The following CSGALNACT2 variants were observed in gnomAD, a reference collection of about 807,000 sequenced individuals.
CSGALNACT2 encodes chondroitin sulfate N-acetylgalactosaminyltransferase 2.
In CSGALNACT2, 35 loss-of-function variants were observed where a neutral mutation model predicts 55.3. The observed-to-expected ratio is 0.63, with a 90% confidence interval of 0.48 to 0.84. The LOEUF (loss-of-function observed/expected upper bound fraction) is 0.84, where lower values mean the gene tolerates loss of function less well. CSGALNACT2 is among the 40% of genes least tolerant of loss of function. CSGALNACT2 has a pLI of 0.00. For synonymous variants in CSGALNACT2, 196 were observed against 224.9 expected, an observed-to-expected ratio of 0.87 and a Z score of 1.15; for missense variants, 544 against 657.5, an observed-to-expected ratio of 0.83 and a Z score of 1.89.
intron 1 of CSGALNACT2, among the ~76,000 whole-genome samples, chr10:43,146,960 C>A: frequency 8.0e-6 from 1 of 124,686 alleles, no homozygotes; most frequent in African/African-American, 3.0e-5. Flanking sequence ...CAATGTTGAG[C>A]ATCTTTTTTT....
intron 1 of CSGALNACT2, among the ~76,000 whole-genome samples, chr10:43,148,058 A>G (rs1438520642): frequency 1.3e-5 from 2 of 152,106 alleles, no homozygotes; most frequent in Admixed American, 6.5e-5. Flanking sequence ...CCATTTTGAG[A>G]TAATTTTTGA....
intron 1 of CSGALNACT2, among the ~76,000 whole-genome samples, chr10:43,153,830 G>A (rs1164692444): frequency 1.3e-5 from 2 of 152,276 alleles, no homozygotes; most frequent in South Asian, 4.1e-4. Flanking sequence ...TTTTATAAAT[G>A]TATAAATGGT....
chr10:43,144,292 C>T (rs2133090387), intron 1 of CSGALNACT2, among the ~76,000 whole-genome samples: 1 of 152,254 alleles, frequency 6.6e-6, no homozygotes, highest in South Asian at 2.1e-4. Context: ...CATTTGTGTT[C>T]ATAGTACCAA....
Position 43,183,717 on chromosome 10 carries a change from A to T in CSGALNACT2, c.*175A>T, listed in dbSNP as rs1037391839. ...GAGAAGAAAAAACAAATGTTTCAAC[A>T]CAAAATCTCTGTTTTGTGAGAATAC... On this transcript the variant is annotated 3_prime_UTR_variant, in exon 8 of 8. Transcript: ENST00000374466. 2 of 606,150 alleles carry T rather than the reference A, an allele frequency of 3.3e-6. No individual in the cohort carries two copies. Among genetic ancestry groups the T allele is most frequent in the South Asian group, 4.1e-5 (2 of 49,132 alleles). 37.5% of individuals were successfully genotyped at this position (606,150 alleles called of 1,614,324 possible).
At chr10:43,167,123 T>C (rs1174369066) in intron 6 of CSGALNACT2, 25 bp downstream of exon 6, 1 of 1,401,898 alleles carries the variant, frequency 7.1e-7, no homozygotes. Flanking sequence ...TTTTCAGTTA[T>C]GAAAGACTCT....
In CSGALNACT2 at chr10:43,164,003, C is replaced by G. The variant is rs1479896258; in HGVS notation, c.1118C>G (p.Ser373Ter). ...TTCTGTGATGTTGATATCTATTTCT[C>G]AGCCGAATTCCTTAACAGCTGCCGG... is the stretch of plus-strand genomic sequence containing the variant. The part of the protein sequence containing the change: ...MFFCDVDIYF[S>*]AEFLNSCRLN... Residue 373 changes from serine (S) to a stop codon, truncating the protein, a stop_gained, in exon 5 of 8, where the codon TCA (serine) becomes TGA (stop). Coordinates refer to ENST00000374466, the MANE Select transcript of CSGALNACT2 (RefSeq NM_018590.5). LOFTEE classifies it high-confidence loss of function. The G allele has an allele frequency of 6.2e-7, 1 of 1,613,842 alleles. No individual in the cohort carries two copies. Among genetic ancestry groups the G allele is most frequent in the African/African-American group, 1.3e-5 (1 of 74,912 alleles).
chr10:43,162,298 T>C, intron 4 of CSGALNACT2: 1 of 648,894 alleles, frequency 1.5e-6, no homozygotes, highest in East Asian at 5.3e-5. Flanking sequence ...TTCTCCCAGC[T>C]CCAGTTGAGA....
intron 5 of CSGALNACT2, among the ~76,000 whole-genome samples, chr10:43,164,454 C>G (rs1199499427): frequency 6.6e-6 from 1 of 152,232 alleles, no homozygotes; most frequent in Non-Finnish European, 1.5e-5. Flanking sequence ...TGTGCACACA[C>G]ACTCACATGG....
intron 3 of CSGALNACT2, 138 bp from the exon 4 acceptor site, chr10:43,160,356 T>G: frequency 1.7e-6 from 1 of 581,428 alleles, no homozygotes; most frequent in Non-Finnish European, 3.0e-6. Flanking sequence ...CTTCCATAAT[T>G]CATCAGTATT....
At chr10:43,152,714 C>T (rs1564511610) in intron 1 of CSGALNACT2, among the ~76,000 whole-genome samples, 1 of 152,160 alleles carries the variant, frequency 6.6e-6, no homozygotes, top group Admixed American at 6.5e-5. Context: ...TTCTGTTACC[C>T]AGTTTCACTT....
rs772009848 is a variant in CSGALNACT2, at chr10:43,163,900, TTGA to T, written c.1016_1018del (p.Leu339_Asn340delinsTyr). The T allele has an allele frequency of 6.2e-7, 1 of 1,614,152 alleles. No homozygotes were observed. The highest frequency in any genetic ancestry group is 8.5e-7 in the Non-Finnish European group (1 of 1,180,006). Reference sequence around the variant, plus strand: ...TTTTCACAATTACACCTTGGTCTCATTGAATGAAGAATTTAATCGTGGACGAGG... The same window carrying T: ...TTTTCACAATTACACCTTGGTCTCATATGAAGAATTTAATCGTGGACGAGG... On this transcript the variant is annotated inframe_deletion, in exon 5 of 8. Coordinates refer to ENST00000374466, the MANE Select transcript of CSGALNACT2 (RefSeq NM_018590.5).
Position 43,183,693 on chromosome 10 carries a change from A to C in CSGALNACT2, c.*151A>C, listed in dbSNP as rs1839637603. 1 of 640,134 alleles carries C rather than the reference A, an allele frequency of 1.6e-6. No individual in the cohort carries two copies. Among genetic ancestry groups the C allele is most frequent in the Admixed American group, 2.9e-5 (1 of 33,946 alleles). 39.7% of individuals were successfully genotyped at this position (640,134 alleles called of 1,614,324 possible). On this transcript the variant is annotated 3_prime_UTR_variant, in exon 8 of 8. Coordinates refer to ENST00000374466, the MANE Select transcript of CSGALNACT2 (RefSeq NM_018590.5). ...TACTTTAGCAATTCAACTTGATGTG[A>C]GAAGAAAAAACAAATGTTTCAACAC...
chr10:43,177,542 T>A (rs1839504370), intron 7 of CSGALNACT2, among the ~76,000 whole-genome samples: 1 of 152,254 alleles, frequency 6.6e-6, no homozygotes, highest in Admixed American at 6.5e-5. Context: ...ATGACTGGCT[T>A]CTTTCACTCA....
At chr10:43,149,073 T>TGTTTG (rs1311060284) in intron 1 of CSGALNACT2, among the ~76,000 whole-genome samples, 20 of 152,032 alleles carry the variant, frequency 1.3e-4, no homozygotes, top group African/African-American at 3.1e-4. Context: ...TATTGAATGG[T>TGTTTG]GTTTGGTTTG....
intron 6 of CSGALNACT2, among the ~76,000 whole-genome samples, chr10:43,168,104 G>T (rs915443291): frequency 2.3e-4 from 35 of 152,118 alleles, no homozygotes; most frequent in African/African-American, 7.0e-4. Context: ...AAAGATTTGA[G>T]AATTTATAAA....
At chr10:43,151,196 T>C (rs1270222671) in intron 1 of CSGALNACT2, among the ~76,000 whole-genome samples, 6 of 152,236 alleles carry the variant, frequency 3.9e-5, no homozygotes, top group Non-Finnish European at 2.9e-5. Flanking sequence ...TTGTTGATTT[T>C]TTTCATTATG....
intron 7 of CSGALNACT2, among the ~76,000 whole-genome samples, chr10:43,180,708 G>A (rs1210239020): frequency 1.3e-5 from 2 of 152,198 alleles, no homozygotes; most frequent in Non-Finnish European, 2.9e-5. Flanking sequence ...AAAAGGAACT[G>A]CAATAAATAG....
intron 1 of CSGALNACT2, among the ~76,000 whole-genome samples, chr10:43,140,514 C>T (rs1286658828): frequency 1.3e-5 from 2 of 152,198 alleles, no homozygotes; most frequent in African/African-American, 4.8e-5. Flanking sequence ...ACATTTATGA[C>T]TGTCTTCTGT....
At position 43,142,733 on chromosome 10, in the gene CSGALNACT2, A is replaced by T. The variant is rs141748596; in HGVS notation, c.-254+4166A>T. ...TTAGAGGTCAGAAATGGACTTATGCATATATAGGAATTTTGCTAATGATAA... is the reference window on the plus strand; with the variant it reads ...TTAGAGGTCAGAAATGGACTTATGCTTATATAGGAATTTTGCTAATGATAA... On this transcript the variant is annotated intron_variant, in intron 1 of 7. Transcript: ENST00000374466. Among the ~76,000 whole-genome samples the T allele has an allele frequency of 3.0e-4, 46 of 152,352 alleles. 1 individual carries two copies. Among genetic ancestry groups the T allele is most frequent in the African/African-American group, 1.1e-3 (46 of 41,578 alleles).
Sources: allele counts gnomAD v4.1 joint callset (sites outside exome capture counted in the v4.1 genomes callset), GRCh38; gene constraint gnomAD v4.1.1; transcripts MANE v1.5; gene names NCBI Gene and HGNC (gene_info 2026-07-23, HGNC 2026-07-21).